Variants in DACH1 observed in about 807,000 individuals in gnomAD.
DACH1 encodes the protein dachshund family transcription factor 1.
In DACH1, 12 loss-of-function variants were observed where a neutral mutation model predicts 54.2. The ratio of observed to expected loss-of-function variants is 0.22; its 90% CI spans 0.14 to 0.36. The LOEUF (loss-of-function observed/expected upper bound fraction) is 0.36, where lower values mean the gene tolerates loss of function less well. Among genes scored for constraint, DACH1 ranks in the 10% least tolerant of loss-of-function variants. The pLI, the probability that DACH1 is intolerant of heterozygous loss-of-function variation, is 1.00. For synonymous variants in DACH1, 386 were observed against 366.2 expected (o/e 1.05, Z -0.62); for missense variants, 805 against 929.8 (o/e 0.87, Z 1.75).
At chr13:71,767,519 C>T (rs1165822789) in intron 1 of DACH1, among the ~76,000 whole-genome samples, 1 of 152,002 alleles carries the variant, frequency 6.6e-6, no homozygotes, top group Admixed American at 6.6e-5. Context: ...TTCACAGTCG[C>T]TTTTTATCCT....
intron 1 of DACH1, among the ~76,000 whole-genome samples, chr13:71,790,096 G>A (rs746596422): frequency 2.6e-5 from 4 of 152,158 alleles, no homozygotes; most frequent in Non-Finnish European, 4.4e-5. Flanking sequence ...GCAAAAGCCT[G>A]CTGAAGGATA....
At chr13:71,687,283 CA>C (rs1381941134) in intron 1 of DACH1, among the ~76,000 whole-genome samples, 1 of 151,928 alleles carries the variant, frequency 6.6e-6, no homozygotes, top group Non-Finnish European at 1.5e-5. Flanking sequence ...GGGAAAGTTA[CA>C]ATTTGCTTAA....
At chr13:71,698,363 C>T (rs1224051191) in intron 1 of DACH1, among the ~76,000 whole-genome samples, 1 of 152,102 alleles carries the variant, frequency 6.6e-6, no homozygotes, top group African/African-American at 2.4e-5. Context: ...AAATATCATA[C>T]TTTGGCCATC....
At chr13:71,691,025 A>G (rs1163498820) in intron 1 of DACH1, among the ~76,000 whole-genome samples, 1 of 152,252 alleles carries the variant, frequency 6.6e-6, no homozygotes, top group African/African-American at 2.4e-5. Context: ...ATTTCAAATG[A>G]CAAGATATTC....
intron 6 of DACH1, among the ~76,000 whole-genome samples, chr13:71,503,197 T>A (rs1880056805): frequency 6.6e-6 from 1 of 152,168 alleles, no homozygotes; most frequent in African/African-American, 2.4e-5. Flanking sequence ...ATGATCAAAT[T>A]CATCAAAAAT....
chr13:71,459,147 G>A (rs1344659358), intron 10 of DACH1, among the ~76,000 whole-genome samples: 2 of 151,746 alleles, frequency 1.3e-5, no homozygotes, highest in African/African-American at 4.8e-5. Flanking sequence ...AGTCAAATAT[G>A]CTTAACTTTT....
intron 1 of DACH1, among the ~76,000 whole-genome samples, chr13:71,726,850 G>A (rs1337386055): frequency 2.0e-5 from 3 of 151,782 alleles, no homozygotes; most frequent in Non-Finnish European, 2.9e-5. Flanking sequence ...TTTTAGTAAA[G>A]TTTTAATAAC....
chr13:71,598,443 C>T (rs1450897939), intron 3 of DACH1, among the ~76,000 whole-genome samples: 3 of 151,832 alleles, frequency 2.0e-5, no homozygotes, highest in Non-Finnish European at 1.5e-5. Context: ...TTAGTAGAGA[C>T]GGGGTTTCAC....
rs1180237618 is a variant in DACH1 at position 71,856,361 on chromosome 13, G to A, written c.848+9561C>T. 2.6e-5 allele frequency among the ~76,000 whole-genome samples: 4 copies of A among 151,882 alleles called. No homozygotes were observed. In the East Asian group the frequency reaches 5.8e-4, roughly 22 times the overall value. On this transcript the variant is annotated intron_variant, in intron 1 of 10. Transcript: ENST00000613252. ...GCATGTACCATACTGTCAACAGTGCGTAAGAAAAAAATCAGTGAACAGCAG... is the reference window on the plus strand; with the variant it reads ...GCATGTACCATACTGTCAACAGTGCATAAGAAAAAAATCAGTGAACAGCAG...
intron 10 of DACH1, among the ~76,000 whole-genome samples, chr13:71,473,953 T>C (rs1240106253): frequency 6.6e-6 from 1 of 152,176 alleles, no homozygotes; most frequent in Non-Finnish European, 1.5e-5. Flanking sequence ...GAGGATTCTT[T>C]TAATTGTCAT....
At chr13:71,658,734 G>A (rs1188565304) in intron 2 of DACH1, among the ~76,000 whole-genome samples, 1 of 152,088 alleles carries the variant, frequency 6.6e-6, no homozygotes, top group Admixed American at 6.6e-5. Flanking sequence ...ACTAGAAACT[G>A]TGATTTGAGG....
chr13:71,471,629 G>A (rs1046453959), intron 10 of DACH1, among the ~76,000 whole-genome samples: 26 of 151,784 alleles, frequency 1.7e-4, no homozygotes, highest in Non-Finnish European at 3.1e-4. Flanking sequence ...GTGCACGCCC[G>A]TAGTCCCAGC....
intron 1 of DACH1, among the ~76,000 whole-genome samples, chr13:71,839,457 A>C (rs921592094): frequency 1.3e-5 from 2 of 151,976 alleles, no homozygotes; most frequent in Admixed American, 6.6e-5. Flanking sequence ...AATACAAAAA[A>C]TTAGCCAGGT....
At position 71,588,151 on chromosome 13, in the gene DACH1, C is replaced by T. The variant is rs995139402; in HGVS notation, c.1127-15139G>A. 2.0e-5 allele frequency among the ~76,000 whole-genome samples: 3 copies of T among 152,098 alleles called. No individual in the cohort carries two copies. In the East Asian group the frequency reaches 5.8e-4, roughly 29 times the overall value. On this transcript the variant is annotated intron_variant, in intron 3 of 10. Coordinates refer to ENST00000613252, the MANE Select transcript of DACH1 (RefSeq NM_080759.6). Reference sequence around the variant, plus strand: ...TGGGAACGGATGAATCTACTAACAACGCTTTTTTTCCTCCATTTATTAAAG... The same window carrying T: ...TGGGAACGGATGAATCTACTAACAATGCTTTTTTTCCTCCATTTATTAAAG...
Position 71,446,340 on chromosome 13 carries a change from C to A in DACH1, c.2084-5648G>T, listed in dbSNP as rs1023475741. Among the ~76,000 whole-genome samples the A allele has an allele frequency of 6.6e-5, 10 of 152,150 alleles. 1 individual carries two copies. Among genetic ancestry groups the A allele is most frequent in the Admixed American group, 6.6e-4 (10 of 15,254 alleles). ...GAGGCAAGTTTACCAATCAGTTATTCCTCGATATCTCAAATGGATGAAAGC... is the reference window on the plus strand; with the variant it reads ...GAGGCAAGTTTACCAATCAGTTATTACTCGATATCTCAAATGGATGAAAGC... On this transcript the variant is annotated intron_variant, in intron 10 of 10. Transcript: ENST00000613252.
At chr13:71,766,011 T>C (rs303968) in intron 1 of DACH1, among the ~76,000 whole-genome samples, 69,844 of 151,228 alleles carry the variant, frequency 0.46, 16,885 homozygotes, top group East Asian at 0.86. Context: ...CTCAGCCTCC[T>C]GAGTAGCTGG....
In DACH1 at chr13:71,489,000, T is replaced by C; in HGVS notation, c.1719A>G (p.Ile573Met). Residue 573 changes from isoleucine (I) to methionine (M), a missense_variant, in exon 7 of 11, where the codon ATA becomes ATG. By Grantham distance (10) the Ile-to-Met change is conservative. Coordinates refer to ENST00000613252, the MANE Select transcript of DACH1 (RefSeq NM_080759.6). ...LSSIETLLTNIQGLLKVAIDN... is the reference protein window; with the variant it reads ...LSSIETLLTNMQGLLKVAIDN... ...TCCAGGTTGTAAAAAGGCCTACCTGTATGTTAGTCAGAAGAGTCTCGATGG... is the reference window on the plus strand; with the variant it reads ...TCCAGGTTGTAAAAAGGCCTACCTGCATGTTAGTCAGAAGAGTCTCGATGG... The C allele has an allele frequency of 6.2e-7, 1 of 1,612,836 alleles. No homozygotes were observed. Among genetic ancestry groups the C allele is most frequent in the South Asian group, 1.1e-5 (1 of 90,976 alleles).
chr13:71,697,172 G>T (rs548766704), intron 1 of DACH1, among the ~76,000 whole-genome samples: 3 of 152,070 alleles, frequency 2.0e-5, no homozygotes, highest in South Asian at 4.1e-4. Context: ...TGAATGTTTT[G>T]TTCACTGGAA....
chr13:71,643,631 C>T (rs778596985), intron 2 of DACH1, among the ~76,000 whole-genome samples: 4 of 152,194 alleles, frequency 2.6e-5, no homozygotes, highest in Non-Finnish European at 4.4e-5. Context: ...TATTATCTTA[C>T]GCTATGAGTT....
Sources: allele counts gnomAD v4.1 joint callset (sites outside exome capture counted in the v4.1 genomes callset), GRCh38; gene constraint gnomAD v4.1.1; transcripts MANE v1.5; gene names NCBI Gene and HGNC (gene_info 2026-07-23, HGNC 2026-07-21).